The following MAP4K4 variants were observed in gnomAD, a reference collection of about 807,000 sequenced individuals.
MAP4K4 encodes HPK/GCK-like kinase HGK.
A neutral mutation model predicts 189.6 loss-of-function variants in MAP4K4; 38 were observed. The observed-to-expected ratio is 0.20, with a 90% CI of 0.15 to 0.26. The LOEUF is 0.26. Ranked by LOEUF, MAP4K4 falls within the 10% of genes least tolerant of loss-of-function variation. The pLI, the probability that MAP4K4 is intolerant of heterozygous loss-of-function variation, is 1.00. For synonymous variants in MAP4K4, 610 were observed against 624.3 expected, an observed-to-expected ratio of 0.98 and a Z score of 0.34; for missense variants, 1,054 against 1,726.9, an observed-to-expected ratio of 0.61 and a Z score of 6.91.
At chr2:101,829,944 C>CTA (rs959759164) in intron 6 of MAP4K4, among the ~76,000 whole-genome samples, 4 of 152,212 alleles carry the variant, frequency 2.6e-5, no homozygotes, top group African/African-American at 9.6e-5. Flanking sequence ...CTGACCCGTG[C>CTA]TACTTTTCCC....
At chr2:101,864,582 C>T (rs1274675762) in intron 17 of MAP4K4, among the ~76,000 whole-genome samples, 2 of 152,150 alleles carry the variant, frequency 1.3e-5, no homozygotes, top group Non-Finnish European at 2.9e-5. Flanking sequence ...TCCTGCTGAT[C>T]CATTTATAGA....
In MAP4K4 at chr2:101,733,131, G is replaced by A. The variant is rs187417928; in HGVS notation, c.123+34593G>A. Among the ~76,000 whole-genome samples, 432 of 152,320 alleles carry A rather than the reference G, an allele frequency of 2.8e-3. 2 individuals are homozygous for A. The highest frequency in any genetic ancestry group is 9.8e-3 in the African/African-American group (407 of 41,582). On this transcript the variant is annotated intron_variant, in intron 2 of 32. Coordinates refer to ENST00000324219, the Ensembl canonical transcript of MAP4K4. ...CAGGAGCCAGCCTCTGTCACTCACA[G>A]GCTTCCAGATTGCTCTGCCCTGGCC...
exon 3 of MAP4K4, chr2:101,790,730 T>C: frequency 6.2e-7 from 1 of 1,610,106 alleles, no homozygotes; most frequent in Non-Finnish European, 8.5e-7. Context: ...GGTCGACATG[T>C]TAAAACGGGT....
intron 2 of MAP4K4, among the ~76,000 whole-genome samples, chr2:101,734,375 A>C (rs1424243883): frequency 6.6e-6 from 1 of 152,238 alleles, no homozygotes; most frequent in African/African-American, 2.4e-5. Context: ...TCACAGATAA[A>C]TCCAAGGCAC....
intron 2 of MAP4K4, among the ~76,000 whole-genome samples, chr2:101,740,161 T>TAAAGCCTGCATTGCTGTATTGTGCCTC (rs1353029035): frequency 7.8e-5 from 9 of 115,044 alleles, no homozygotes; most frequent in African/African-American, 3.3e-4. Context: ...CTTTTTTTTT[T>TAAAGCCTGCATTGCTGTATTGTGCCTC]TTTTTTTTTT....
chr2:101,823,582 T>C (rs2096204042), intron 3 of MAP4K4, among the ~76,000 whole-genome samples: 1 of 152,222 alleles, frequency 6.6e-6, no homozygotes, highest in South Asian at 2.1e-4. Context: ...CATTTTCCTT[T>C]TGTGGTCCCA....
intron 2 of MAP4K4, among the ~76,000 whole-genome samples, chr2:101,756,897 C>G (rs1558758822): frequency 3.3e-5 from 5 of 152,000 alleles, no homozygotes; most frequent in Admixed American, 2.6e-4. Context: ...GCAAAATGAC[C>G]TCCATCACTT....
chr2:101,744,969 A>G (rs1483849151), intron 2 of MAP4K4, among the ~76,000 whole-genome samples: 3 of 152,100 alleles, frequency 2.0e-5, no homozygotes, highest in Admixed American at 6.5e-5. Context: ...TGTCATCTAT[A>G]TGGGGTGGAA....
intron 2 of MAP4K4, among the ~76,000 whole-genome samples, chr2:101,721,549 C>T (rs1439578203): frequency 6.6e-6 from 1 of 151,684 alleles, no homozygotes; most frequent in Non-Finnish European, 1.5e-5. Flanking sequence ...GATTCTCCTG[C>T]CTCGGCTTCC....
intron 18 of MAP4K4, among the ~76,000 whole-genome samples, chr2:101,865,926 G>A (rs1002087198): frequency 1.3e-5 from 2 of 152,120 alleles, no homozygotes; most frequent in Non-Finnish European, 2.9e-5. Flanking sequence ...TGTGTGCTTT[G>A]GGTCCATCCA....
chr2:101,843,714 A>G (rs1048847480), intron 11 of MAP4K4, among the ~76,000 whole-genome samples: 1 of 152,102 alleles, frequency 6.6e-6, no homozygotes, highest in Non-Finnish European at 1.5e-5. Context: ...GACAAAGACA[A>G]AGGAATGGTG....
intron 2 of MAP4K4, among the ~76,000 whole-genome samples, chr2:101,751,794 A>G (rs1047274736): frequency 5.3e-5 from 8 of 152,184 alleles, no homozygotes; most frequent in South Asian, 2.1e-4. Context: ...TGGGCATTCT[A>G]TCTGCCTTCA....
chr2:101,827,464 A>G (rs1477136560), intron 5 of MAP4K4, among the ~76,000 whole-genome samples: 7 of 152,210 alleles, frequency 4.6e-5, no homozygotes, highest in Admixed American at 3.9e-4. Context: ...CTCATGAGAA[A>G]GGAATGCAGC....
intron 2 of MAP4K4, among the ~76,000 whole-genome samples, chr2:101,714,180 GTTATTC>G (rs1403499174): frequency 5.9e-5 from 9 of 152,190 alleles, no homozygotes; most frequent in East Asian, 1.9e-4. Flanking sequence ...TTTAATAGTT[GTTATTC>G]TTATACTTTC....
chr2:101,871,294 G>C (rs554032099), intron 23 of MAP4K4, among the ~76,000 whole-genome samples, 200 bp from the exon 24 acceptor site: 1 of 152,208 alleles, frequency 6.6e-6, no homozygotes, highest in African/African-American at 2.4e-5. Context: ...GCAGCCACCA[G>C]ATTAGGTACT....
At chr2:101,740,952 A>T (rs948668006) in intron 2 of MAP4K4, among the ~76,000 whole-genome samples, 1 of 152,120 alleles carries the variant, frequency 6.6e-6, no homozygotes, top group African/African-American at 2.4e-5. Flanking sequence ...CCCTTAAAAT[A>T]CCTCCATTAG....
At chr2:101,730,287 A>G (rs943016688) in intron 2 of MAP4K4, among the ~76,000 whole-genome samples, 1 of 152,022 alleles carries the variant, frequency 6.6e-6, no homozygotes, top group Non-Finnish European at 1.5e-5. Flanking sequence ...CTGCTTTGTG[A>G]TATGATCATG....
intron 3 of MAP4K4, among the ~76,000 whole-genome samples, chr2:101,802,594 G>A (rs1185257181): frequency 6.6e-6 from 1 of 152,094 alleles, no homozygotes; most frequent in Non-Finnish European, 1.5e-5. Flanking sequence ...CGGCTGCCCA[G>A]CTCACTCCCA....
chr2:101,760,524 GTA>G lies in MAP4K4; in HGVS notation c.124-30190_124-30189del, dbSNP rs1256640184. On this transcript the variant is annotated intron_variant, in intron 2 of 32. Transcript: ENST00000324219. Reference sequence around the variant, plus strand: ...ACAAAATATATATATATATATATATGTATATATGTGTGTGTGTGTGTGTGTGT... The same window carrying G: ...ACAAAATATATATATATATATATATGTATATGTGTGTGTGTGTGTGTGTGT... Among the ~76,000 whole-genome samples, 210 of 55,868 alleles carry G rather than the reference GTA, an allele frequency of 3.8e-3. 1 individual carries two copies. The East Asian group carries it at 0.04, about 11-fold the overall frequency. 36.7% of individuals were successfully genotyped at this position (55,868 alleles called of 152,430 possible).
Sources: gnomAD v4.1 joint callset for allele counts (sites outside exome capture counted in the v4.1 genomes callset) on GRCh38, gnomAD v4.1.1 for gene constraint, MANE v1.5 for transcripts, NCBI Gene and HGNC (gene_info 2026-07-23, HGNC 2026-07-21) for gene names.